The following PKN2 variants were observed in gnomAD, a reference collection of about 807,000 sequenced individuals.
PKN2 encodes the protein serine/threonine-protein kinase N2.
In PKN2, 38 loss-of-function variants were observed where a neutral mutation model predicts 119.1. The observed-to-expected ratio is 0.32, with a 90% CI of 0.25 to 0.42. PKN2 has a LOEUF of 0.42. Ranked by LOEUF, PKN2 falls within the 10% of genes least tolerant of loss-of-function variation. PKN2 has a pLI of 1.00. For missense variants in PKN2, 850 were observed against 1,165.1 expected (o/e 0.73, Z 3.94); for synonymous variants, 390 against 384.9 (o/e 1.01, Z -0.15).
chr1:88,693,163 T>C (rs1175542066), intron 1 of PKN2, among the ~76,000 whole-genome samples: 1 of 152,184 alleles, frequency 6.6e-6, no homozygotes, highest in South Asian at 2.1e-4. Flanking sequence ...TACTTATTAT[T>C]AGTCATTAAT....
At chr1:88,762,807 G>A (rs1255442460) in intron 3 of PKN2, among the ~76,000 whole-genome samples, 1 of 152,092 alleles carries the variant, frequency 6.6e-6, no homozygotes, top group African/African-American at 2.4e-5. Flanking sequence ...AAATGATTTG[G>A]CATTTAATAA....
chr1:88,820,485 A>G (rs1053771508), intron 16 of PKN2, among the ~76,000 whole-genome samples: 4 of 150,686 alleles, frequency 2.7e-5, no homozygotes, highest in African/African-American at 9.7e-5. Context: ...GTGAGCTGAG[A>G]TTGTGCAATT....
chr1:88,825,001 C>T (rs1195568454), intron 18 of PKN2, among the ~76,000 whole-genome samples: 4 of 152,198 alleles, frequency 2.6e-5, no homozygotes, highest in Non-Finnish European at 5.9e-5. Flanking sequence ...ATAGTTCTTT[C>T]TGTTTACTAG....
intron 19 of PKN2, among the ~76,000 whole-genome samples, chr1:88,830,873 T>C (rs146097454): frequency 4.1e-3 from 628 of 152,260 alleles, no homozygotes; most frequent in Non-Finnish European, 6.8e-3. Context: ...CATAATTTTA[T>C]AGCATTAGTG....
chr1:88,811,027 CTT>C (rs1342009804), intron 15 of PKN2, among the ~76,000 whole-genome samples: 2 of 152,162 alleles, frequency 1.3e-5, no homozygotes, highest in African/African-American at 4.8e-5. Context: ...AAATCAACCT[CTT>C]TTTAAGTGAA....
In PKN2 at chr1:88,776,609, G is replaced by A. The variant is rs190240136; in HGVS notation, c.985+4730G>A. Among the ~76,000 whole-genome samples the A allele has an allele frequency of 3.4e-4, 52 of 151,978 alleles. No homozygotes were observed. In the East Asian group the frequency reaches 5.5e-3, roughly 16 times the overall value. ...ACAGAAATTAGCCAGGCATGATGGC[G>A]CATGCCTGTAATCCCAGTAACTCAG... On this transcript the variant is annotated intron_variant, in intron 6 of 21. Coordinates refer to ENST00000370521, the MANE Select transcript of PKN2 (RefSeq NM_006256.4).
chr1:88,827,680 C>A (rs151329579), intron 18 of PKN2, among the ~76,000 whole-genome samples: 30,159 of 129,884 alleles, frequency 0.23, 3,434 homozygotes, highest in Middle Eastern at 0.34. Flanking sequence ...TCCTCTCTCT[C>A]TCTCTATATA....
chr1:88,821,860 G>C lies in PKN2; in HGVS notation c.2280-81G>C. The C allele has an allele frequency of 2.8e-6, 3 of 1,068,048 alleles. No homozygotes were observed. The South Asian group carries it at 5.3e-5, about 19-fold the overall frequency. The allele number at this position is 1,068,048 out of a possible 1,614,324, so 66.2% of individuals were successfully genotyped here. ...TGTGAAATAAATTAATGATAGGTCT[G>C]CTTTGAAGTATAAACATATAAGCTG... On this transcript the variant is annotated intron_variant, in intron 16 of 21. Transcript: ENST00000370521.
chr1:88,705,306 T>C (rs905908442), intron 1 of PKN2, among the ~76,000 whole-genome samples: 1 of 152,190 alleles, frequency 6.6e-6, no homozygotes, highest in Non-Finnish European at 1.5e-5. Flanking sequence ...AGTTTTATGA[T>C]CCATTGTGAG....
chr1:88,791,319 C>T (rs1358156560), intron 8 of PKN2, among the ~76,000 whole-genome samples: 2 of 151,764 alleles, frequency 1.3e-5, no homozygotes, highest in African/African-American at 4.8e-5. Flanking sequence ...ACTTGTAATC[C>T]CAGCTAACCT....
intron 8 of PKN2, among the ~76,000 whole-genome samples, chr1:88,799,507 C>T (rs10489886): frequency 0.067 from 10,163 of 152,140 alleles, 697 homozygotes; most frequent in African/African-American, 0.18. Context: ...CTACAAAGTT[C>T]ACTTGAATTA....
At chr1:88,791,736 C>G (rs1236100394) in intron 8 of PKN2, among the ~76,000 whole-genome samples, 1 of 152,110 alleles carries the variant, frequency 6.6e-6, no homozygotes, top group Non-Finnish European at 1.5e-5. Flanking sequence ...CTTCCAGAGT[C>G]TCCTATCAGA....
At chr1:88,787,977 A>T (rs555221911) in intron 8 of PKN2, among the ~76,000 whole-genome samples, 2 of 152,240 alleles carry the variant, frequency 1.3e-5, no homozygotes, top group Non-Finnish European at 2.9e-5. Context: ...AAAAATGTTT[A>T]TAAAAACATA....
chr1:88,692,353 T>C (rs1666368881), intron 1 of PKN2, among the ~76,000 whole-genome samples: 1 of 152,214 alleles, frequency 6.6e-6, no homozygotes, highest in East Asian at 1.9e-4. Flanking sequence ...TTTCCTACTG[T>C]GCATGTGCCA....
chr1:88,724,599 T>C (rs1332974713), intron 1 of PKN2, among the ~76,000 whole-genome samples: 5 of 148,148 alleles, frequency 3.4e-5, no homozygotes, highest in African/African-American at 1.0e-4. Context: ...TGAGACGGAG[T>C]CTTGCTCTGT....
intron 18 of PKN2, among the ~76,000 whole-genome samples, chr1:88,826,245 ATG>A (rs1235939477): frequency 6.6e-6 from 1 of 152,168 alleles, no homozygotes; most frequent in East Asian, 1.9e-4. Flanking sequence ...TGCAGAAAAT[ATG>A]TGTGTTGAAT....
intron 3 of PKN2, among the ~76,000 whole-genome samples, chr1:88,766,167 A>G (rs1669661521): frequency 6.6e-6 from 1 of 152,200 alleles, no homozygotes; most frequent in Non-Finnish European, 1.5e-5. Flanking sequence ...CCTAGTGCAT[A>G]TAATAATCAT....
At chr1:88,698,778 A>G (rs925476625) in intron 1 of PKN2, among the ~76,000 whole-genome samples, 1 of 152,224 alleles carries the variant, frequency 6.6e-6, no homozygotes, top group Admixed American at 6.5e-5. Flanking sequence ...TCAACTTTAG[A>G]CCATATGCAT....
chr1:88,784,578 G>A, intron 6 of PKN2, 61 bp from the exon 7 acceptor site: 1 of 1,045,784 alleles, frequency 9.6e-7, no homozygotes, highest in Non-Finnish European at 1.3e-6. Flanking sequence ...AAGAGATTTA[G>A]ATTAAGGATT....
Sources: gnomAD v4.1 joint callset for allele counts (sites outside exome capture counted in the v4.1 genomes callset) on GRCh38, gnomAD v4.1.1 for gene constraint, MANE v1.5 for transcripts, NCBI Gene and HGNC (gene_info 2026-07-23, HGNC 2026-07-21) for gene names.